Variants in CYREN observed in about 807,000 individuals in gnomAD.
The protein encoded by CYREN is cell cycle regulator of NHEJ, also known as cell cycle regulator of non-homologous end joining.
In CYREN, 7 loss-of-function variants were observed where a neutral mutation model predicts 9.7. The ratio of observed to expected loss-of-function variants is 0.72; its 90% confidence interval spans 0.41 to 1.36. CYREN has a LOEUF of 1.36. CYREN is among the 40% of genes most tolerant of loss of function. The pLI, the probability that CYREN is intolerant of heterozygous loss-of-function variation, is 0.01. For synonymous variants in CYREN, 76 were observed against 77.9 expected, an observed-to-expected ratio of 0.98 and a Z score of 0.13; for missense variants, 215 against 198.1, an observed-to-expected ratio of 1.09 and a Z score of -0.51.
At chr7:135,155,874 AT>A (rs1172522109) in intron 2 of CYREN, among the ~76,000 whole-genome samples, 5 of 152,192 alleles carry the variant, frequency 3.3e-5, no homozygotes, top group Admixed American at 2.0e-4. Context: ...TAAAAACACC[AT>A]TCATTTCAGT....
At chr7:135,117,002 CT>C (rs1272161741) in intron 2 of CYREN, among the ~76,000 whole-genome samples, 1 of 152,158 alleles carries the variant, frequency 6.6e-6, no homozygotes, top group Non-Finnish European at 1.5e-5. Context: ...TTCCTTTGTT[CT>C]TGAAGTCCTT....
At chr7:135,134,154 A>G (rs1005450074) in intron 2 of CYREN, among the ~76,000 whole-genome samples, 4 of 152,148 alleles carry the variant, frequency 2.6e-5, no homozygotes, top group Admixed American at 2.0e-4. Flanking sequence ...ATCAATGTCA[A>G]TATCCTGATT....
downstream of CYREN, among the ~76,000 whole-genome samples, chr7:135,162,991 A>C (rs1428051666): frequency 6.6e-6 from 1 of 152,260 alleles, no homozygotes; most frequent in Non-Finnish European, 1.5e-5. Context: ...GATCACTAAA[A>C]GATATTTCTA....
intron 2 of CYREN, among the ~76,000 whole-genome samples, chr7:135,103,730 C>T (rs950783527): frequency 6.6e-6 from 1 of 152,134 alleles, no homozygotes; most frequent in Non-Finnish European, 1.5e-5. Flanking sequence ...TATAAATAAG[C>T]AGAGTCAGGC....
At chr7:135,125,186 T>C (rs1328101503) in intron 2 of CYREN, among the ~76,000 whole-genome samples, 1 of 151,406 alleles carries the variant, frequency 6.6e-6, no homozygotes, top group African/African-American at 2.4e-5. Context: ...AAAAATCAAA[T>C]AGACACAATA....
intron 2 of CYREN, chr7:135,168,036 C>T: frequency 3.2e-6 from 2 of 630,524 alleles, no homozygotes; most frequent in South Asian, 2.0e-5. Context: ...CCACCCTCCA[C>T]CAACTGCCCT....
chr7:135,131,602 G>A (rs986882212), intron 2 of CYREN, among the ~76,000 whole-genome samples: 5 of 151,852 alleles, frequency 3.3e-5, no homozygotes, highest in African/African-American at 9.7e-5. Context: ...TAAAAAATGA[G>A]AAAACATCTG....
At chr7:135,165,020 G>C, downstream of CYREN, 1 of 1,550,462 alleles carries the variant, frequency 6.4e-7, no homozygotes, top group Non-Finnish European at 8.7e-7. Context: ...GATTGCAAGG[G>C]TTCAGTTCCA....
intron 2 of CYREN, among the ~76,000 whole-genome samples, chr7:135,141,799 T>G (rs922680708): frequency 6.6e-6 from 1 of 152,198 alleles, no homozygotes; most frequent in Non-Finnish European, 1.5e-5. Flanking sequence ...CTTAATTTCA[T>G]TGTTTACCCA....
chr7:135,171,330 A>ATTT (rs1223528156), upstream of CYREN, among the ~76,000 whole-genome samples: 78 of 100,830 alleles, frequency 7.7e-4, no homozygotes, highest in African/African-American at 2.8e-3. Flanking sequence ...TTTTTTTAAA[A>ATTT]AAAAAAGGAA....
At chr7:135,160,943 G>C (rs977555505), downstream of CYREN, among the ~76,000 whole-genome samples, 8 of 152,164 alleles carry the variant, frequency 5.3e-5, no homozygotes, top group African/African-American at 1.7e-4. Context: ...GGAGCTGGGG[G>C]GTGGCTGAGG....
At chr7:135,141,132 C>A (rs1053843260) in intron 2 of CYREN, among the ~76,000 whole-genome samples, 1 of 151,890 alleles carries the variant, frequency 6.6e-6, no homozygotes, top group African/African-American at 2.4e-5. Flanking sequence ...AGTAGGTTTG[C>A]TACCTGTTTT....
At chr7:135,100,812 T>C (rs191593635) in intron 2 of CYREN, among the ~76,000 whole-genome samples, 1 of 152,338 alleles carries the variant, frequency 6.6e-6, no homozygotes, top group East Asian at 1.9e-4. Context: ...AGTTAGAAGA[T>C]GTGAATGCTA....
upstream of CYREN, among the ~76,000 whole-genome samples, chr7:135,172,118 G>GT (rs1014361851): frequency 6.6e-6 from 1 of 151,256 alleles, no homozygotes; most frequent in African/African-American, 2.4e-5. Context: ...CCCACTCCAC[G>GT]TGAGTGGAAG....
At chr7:135,169,103 T>C in intron 1 of CYREN, 43 bp from the exon 2 acceptor site, 1 of 605,592 alleles carries the variant, frequency 1.7e-6, no homozygotes, top group Non-Finnish European at 2.8e-6. Context: ...ATACCTCCAG[T>C]CATCAGGCAC....
At chr7:135,159,075 T>C (rs1238131452) in intron 2 of CYREN, among the ~76,000 whole-genome samples, 2 of 152,242 alleles carry the variant, frequency 1.3e-5, no homozygotes, top group African/African-American at 4.8e-5. Context: ...TCTCTTACTG[T>C]TTCCCCACAT....
intron 2 of CYREN, among the ~76,000 whole-genome samples, chr7:135,124,579 A>C (rs1330723080): frequency 6.6e-6 from 1 of 152,230 alleles, no homozygotes; most frequent in Non-Finnish European, 1.5e-5. Flanking sequence ...CTCCACCCCA[A>C]ATCAACAGAA....
At chr7:135,130,232 C>G (rs77845976) in intron 2 of CYREN, among the ~76,000 whole-genome samples, 7,744 of 152,298 alleles carry the variant, frequency 0.051, 264 homozygotes, top group Non-Finnish European at 0.08. Flanking sequence ...GCCCTTTACT[C>G]TGTAACTGAC....
intron 2 of CYREN, among the ~76,000 whole-genome samples, chr7:135,102,112 T>G (rs1823927447): frequency 6.6e-6 from 1 of 152,220 alleles, no homozygotes; most frequent in Admixed American, 6.5e-5. Context: ...GGAGAATGTC[T>G]TTATCAGCAG....
Sources: allele counts gnomAD v4.1 joint callset (sites outside exome capture counted in the v4.1 genomes callset), GRCh38; gene constraint gnomAD v4.1.1; transcripts MANE v1.5; gene names NCBI Gene and HGNC (gene_info 2026-07-23, HGNC 2026-07-21).